The following PLD5 variants were observed in gnomAD, a reference collection of about 807,000 sequenced individuals.
PLD5 encodes the protein phospholipase D family member 5, also known as inactive phospholipase D5.
A neutral mutation model predicts 61.1 loss-of-function variants in PLD5; 36 were observed. That is an observed-to-expected ratio of 0.59 (90% confidence interval 0.45 to 0.78). The LOEUF is 0.78. Ranked by LOEUF, PLD5 falls within the 30% of genes least tolerant of loss-of-function variation. PLD5 has a pLI of 0.00. For synonymous variants in PLD5, 243 were observed against 242.8 expected (o/e 1.00, Z -0.01); for missense variants, 515 against 644.4 (o/e 0.80, Z 2.17).
chr1:242,333,946 G>T lies in PLD5; in HGVS notation c.326+14160C>A, dbSNP rs1659347319. Among the ~76,000 whole-genome samples, 4 of 152,166 alleles carry T rather than the reference G, an allele frequency of 2.6e-5. No homozygotes were observed. The South Asian group carries it at 8.3e-4, about 32-fold the overall frequency. ...GCATATCTTCGCTACTGTGAATAGTGCTGCAATACACATGGGCATGCAGAT... is the reference window on the plus strand; with the variant it reads ...GCATATCTTCGCTACTGTGAATAGTTCTGCAATACACATGGGCATGCAGAT... On this transcript the variant is annotated intron_variant, in intron 2 of 9. Transcript: ENST00000536534.
intron 1 of PLD5, among the ~76,000 whole-genome samples, chr1:242,430,269 G>A (rs1176928630): frequency 1.3e-5 from 2 of 151,816 alleles, no homozygotes; most frequent in African/African-American, 4.8e-5. Context: ...TTCAAGATCA[G>A]GGAGCTGACT....
chr1:242,353,078 C>T (rs550320959), intron 1 of PLD5, among the ~76,000 whole-genome samples: 21 of 152,086 alleles, frequency 1.4e-4, no homozygotes, highest in Non-Finnish European at 2.2e-4. Context: ...GTTGCCTGTG[C>T]TTTCGAGGTG....
chr1:242,136,483 C>A (rs59126721), intron 5 of PLD5, among the ~76,000 whole-genome samples: 1 of 152,122 alleles, frequency 6.6e-6, no homozygotes, highest in African/African-American at 2.4e-5. Context: ...GGTGTTCCAA[C>A]GTCGTTTGAG....
intron 1 of PLD5, among the ~76,000 whole-genome samples, chr1:242,464,576 A>G (rs572934085): frequency 6.6e-6 from 1 of 152,370 alleles, no homozygotes; most frequent in East Asian, 1.9e-4. Context: ...ATAAAATAGT[A>G]CAGCCACTGT....
intron 2 of PLD5, among the ~76,000 whole-genome samples, chr1:242,340,448 G>A (rs368232137): frequency 6.6e-6 from 1 of 151,684 alleles, no homozygotes; most frequent in African/African-American, 2.4e-5. Context: ...TTAAGAAAAG[G>A]GTGAAAAATG....
At position 242,198,342 on chromosome 1, in the gene PLD5, C is replaced by T. The variant is rs547774370; in HGVS notation, c.735+21646G>A. On this transcript the variant is annotated intron_variant, in intron 5 of 9. Coordinates refer to ENST00000536534, the MANE Select transcript of PLD5 (RefSeq NM_001372062.1). ...CATCAGTAGTGTGTGTTAAATGGCA[C>T]GAAATGCTTTTGCAGCTTTCAAAGT... Among the ~76,000 whole-genome samples the T allele has an allele frequency of 9.2e-5, 14 of 152,170 alleles. No individual in the cohort carries two copies. The South Asian group carries it at 1.2e-3, about 14-fold the overall frequency.
intron 2 of PLD5, among the ~76,000 whole-genome samples, chr1:242,290,709 C>G (rs1675309704): frequency 6.6e-6 from 1 of 151,756 alleles, no homozygotes; most frequent in South Asian, 2.1e-4. Context: ...ATGCAGTGGA[C>G]ATTTTCAAGG....
chr1:242,093,184 T>A (rs571282387), intron 9 of PLD5, among the ~76,000 whole-genome samples: 2 of 152,274 alleles, frequency 1.3e-5, no homozygotes, highest in East Asian at 3.9e-4. Context: ...CGTGTGCTCT[T>A]AGACACGTGA....
intron 2 of PLD5, among the ~76,000 whole-genome samples, chr1:242,321,092 T>C (rs1658369364): frequency 1.3e-5 from 2 of 152,082 alleles, no homozygotes; most frequent in Non-Finnish European, 2.9e-5. Context: ...TTTGACATAG[T>C]TTGAGACTGC....
chr1:242,459,522 G>A (rs552687133), intron 1 of PLD5, among the ~76,000 whole-genome samples: 29 of 152,272 alleles, frequency 1.9e-4, no homozygotes, highest in African/African-American at 5.8e-4. Flanking sequence ...TGTGATCAGC[G>A]CCAAGCTATG....
At chr1:242,462,734 G>A (rs185392503) in intron 1 of PLD5, among the ~76,000 whole-genome samples, 208 of 152,202 alleles carry the variant, frequency 1.4e-3, no homozygotes, top group Non-Finnish European at 2.5e-3. Flanking sequence ...GAGGAGGTCT[G>A]CATAGATAAC....
At chr1:242,519,120 G>C (rs1360136740) in intron 1 of PLD5, among the ~76,000 whole-genome samples, 2 of 152,214 alleles carry the variant, frequency 1.3e-5, no homozygotes, top group Non-Finnish European at 2.9e-5. Context: ...ATTTTTAAGG[G>C]AACATTTTAA....
intron 4 of PLD5, among the ~76,000 whole-genome samples, chr1:242,255,681 G>A (rs1672975396): frequency 6.6e-6 from 1 of 152,126 alleles, no homozygotes; most frequent in Non-Finnish European, 1.5e-5. Flanking sequence ...ATCCATGAAT[G>A]TGAAAATAAA....
intron 1 of PLD5, among the ~76,000 whole-genome samples, chr1:242,355,117 A>G (rs972665378): frequency 1.2e-4 from 19 of 152,150 alleles, no homozygotes; most frequent in African/African-American, 4.3e-4. Flanking sequence ...GCTTTAGTAT[A>G]GGGGTAATGC....
chr1:242,233,758 G>C (rs1482940004), intron 4 of PLD5, among the ~76,000 whole-genome samples: 1 of 152,172 alleles, frequency 6.6e-6, no homozygotes, highest in Non-Finnish European at 1.5e-5. Flanking sequence ...GTGAATGAGT[G>C]AATGAATCAA....
intron 1 of PLD5, among the ~76,000 whole-genome samples, chr1:242,422,671 C>T (rs958400749): frequency 3.9e-5 from 6 of 152,078 alleles, no homozygotes; most frequent in Non-Finnish European, 7.4e-5. Context: ...GTCCACAAAA[C>T]GGGACTGAGA....
chr1:242,266,322 A>G (rs1209778569), intron 3 of PLD5, among the ~76,000 whole-genome samples: 3 of 152,208 alleles, frequency 2.0e-5, no homozygotes, highest in Non-Finnish European at 2.9e-5. Flanking sequence ...CAGAGGTTAC[A>G]GTGAACCAAG....
At chr1:242,428,444 A>G (rs1665546920) in intron 1 of PLD5, among the ~76,000 whole-genome samples, 1 of 152,238 alleles carries the variant, frequency 6.6e-6, no homozygotes, top group Non-Finnish European at 1.5e-5. Context: ...ACCAGTGAAC[A>G]GTGGTTGAAA....
At chr1:242,334,543 C>T (rs1319730338) in intron 2 of PLD5, among the ~76,000 whole-genome samples, 1 of 152,140 alleles carries the variant, frequency 6.6e-6, no homozygotes, top group African/African-American at 2.4e-5. Context: ...TCGTGGCATC[C>T]CTCTGCCCTT....
Sources: gnomAD v4.1 joint callset for allele counts (sites outside exome capture counted in the v4.1 genomes callset) on GRCh38, gnomAD v4.1.1 for gene constraint, MANE v1.5 for transcripts, NCBI Gene and HGNC (gene_info 2026-07-23, HGNC 2026-07-21) for gene names.